The following UBAC2 variants were observed in gnomAD, a reference collection of about 807,000 sequenced individuals.
The protein encoded by UBAC2 is ubiquitin-associated domain-containing protein 2.
In UBAC2, 26 loss-of-function variants were observed where a neutral mutation model predicts 44.0. That is an observed-to-expected ratio of 0.59 (90% CI 0.43 to 0.82). The LOEUF (loss-of-function observed/expected upper bound fraction) is 0.82. UBAC2 is among the 40% of genes least tolerant of loss of function. UBAC2 has a pLI of 0.00. For synonymous variants in UBAC2, 155 were observed against 154.3 expected, an observed-to-expected ratio of 1.00 and a Z score of -0.04; for missense variants, 329 against 419.4, an observed-to-expected ratio of 0.78 and a Z score of 1.88.
chr13:99,344,641 A>T (rs765351220), intron 7 of UBAC2, among the ~76,000 whole-genome samples: 4 of 152,074 alleles, frequency 2.6e-5, no homozygotes, highest in African/African-American at 9.7e-5. Context: ...GCAGTTTTTC[A>T]TTTCAGGTAT....
chr13:99,331,462 G>C (rs568092755), intron 6 of UBAC2, among the ~76,000 whole-genome samples: 2 of 152,330 alleles, frequency 1.3e-5, no homozygotes, highest in East Asian at 3.8e-4. Context: ...TATTACTTCT[G>C]TCTCTATTCC....
chr13:99,267,764 C>A (rs898708275), intron 4 of UBAC2, among the ~76,000 whole-genome samples: 2 of 152,102 alleles, frequency 1.3e-5, no homozygotes, highest in African/African-American at 4.8e-5. Context: ...ATAAAAAATA[C>A]CAAAATATAG....
At chr13:99,239,216 A>G (rs1157313403) in intron 2 of UBAC2, among the ~76,000 whole-genome samples, 1 of 152,244 alleles carries the variant, frequency 6.6e-6, no homozygotes, top group Non-Finnish European at 1.5e-5. Flanking sequence ...TAGTGATATA[A>G]TTAATACCAT....
rs1437912677 is a variant in UBAC2, at chr13:99,368,004, TACAAAGATGGTGACAGC to T, written c.927+100_927+116del. On this transcript the variant is annotated intron_variant, in intron 8 of 8. Coordinates refer to ENST00000403766, the MANE Select transcript of UBAC2 (RefSeq NM_001144072.2). ...ACTCAAAAGTAATCAAGCGTGTAAA[TACAAAGATGGTGACAGC>T]AGTCCATCTGCCACCATGATAGAGA... 2.8e-6 allele frequency: 4 copies of T among 1,445,166 alleles called. No homozygotes were observed. In the African/African-American group the frequency reaches 4.3e-5, roughly 15 times the overall value. 89.5% of individuals were successfully genotyped at this position (1,445,166 alleles called of 1,614,324 possible).
rs572171609 is a variant in UBAC2 at position 99,279,603 on chromosome 13, A to G, written c.390-34494A>G. 2.0e-4 allele frequency among the ~76,000 whole-genome samples: 30 copies of G among 152,334 alleles called. No individual in the cohort carries two copies. In the East Asian group the frequency reaches 5.4e-3, roughly 27 times the overall value. ...TAGTTTGTCTCACTAATGATGCCTC[A>G]CTGCCTTAGCCTGTTCAGGCTCCTC... is the stretch of plus-strand genomic sequence containing the variant. On this transcript the variant is annotated intron_variant, in intron 4 of 8. Transcript: ENST00000403766.
chr13:99,352,815 G>A (rs538881181), intron 7 of UBAC2, among the ~76,000 whole-genome samples: 30 of 152,316 alleles, frequency 2.0e-4, no homozygotes, highest in Non-Finnish European at 4.3e-4. Flanking sequence ...GAAATGTGTA[G>A]TGCAGTCAGG....
rs2138942590 is a variant in UBAC2, at chr13:99,385,828, G to A, written c.*493G>A. ...ATCTCCTGGGAGTGAGGGAGAAACA[G>A]GGAGCTGAATCCTCCCCCAAGCTGT... On this transcript the variant is annotated 3_prime_UTR_variant, in exon 9 of 9. Coordinates refer to ENST00000403766, the MANE Select transcript of UBAC2 (RefSeq NM_001144072.2). The A allele has an allele frequency of 6.2e-6, 1 of 161,200 alleles. No homozygotes were observed. Among genetic ancestry groups the A allele is most frequent in the Middle Eastern group, 3.3e-3 (1 of 300 alleles). The allele number at this position is 161,200 out of a possible 1,614,324, so 10.0% of individuals were successfully genotyped here.
intron 4 of UBAC2, among the ~76,000 whole-genome samples, chr13:99,283,392 C>T (rs991011573): frequency 5.3e-5 from 8 of 152,120 alleles, no homozygotes; most frequent in African/African-American, 1.2e-4. Context: ...GTTAACATTA[C>T]GCATTCCATT....
At chr13:99,312,170 A>T (rs1053227727) in intron 4 of UBAC2, among the ~76,000 whole-genome samples, 28 of 152,210 alleles carry the variant, frequency 1.8e-4, no homozygotes, top group Admixed American at 1.6e-3. Flanking sequence ...AGGACAGTGC[A>T]TTTTTTAAAA....
intron 6 of UBAC2, among the ~76,000 whole-genome samples, chr13:99,328,709 A>T (rs1429302445): frequency 6.6e-6 from 1 of 152,150 alleles, no homozygotes; most frequent in Non-Finnish European, 1.5e-5. Flanking sequence ...TAACTGACTT[A>T]AAATAATTCT....
rs1271534240 is a variant in UBAC2 at position 99,238,545 on chromosome 13, C to T, written c.150C>T (p.Asn50=). ...LFVYDLHAVK[N]DFQIWRLICG... is the part of the protein sequence containing the mutation. Reference sequence around the variant, plus strand: ...TGTATGACCTTCACGCAGTCAAGAACGACTTCCAGGTAAGCTCTGCCTCAT... The same window carrying T: ...TGTATGACCTTCACGCAGTCAAGAATGACTTCCAGGTAAGCTCTGCCTCAT... The change falls in exon 2 of 9, where the codon AAC becomes AAT. Residue 50 remains asparagine (N), a synonymous_variant. Coordinates refer to ENST00000403766, the MANE Select transcript of UBAC2 (RefSeq NM_001144072.2). 3 of 1,608,354 alleles carry T rather than the reference C, an allele frequency of 1.9e-6. No individual in the cohort carries two copies. The highest frequency in any genetic ancestry group is 1.1e-5 in the South Asian group (1 of 90,366).
At chr13:99,376,585 C>A (rs921410861) in intron 8 of UBAC2, among the ~76,000 whole-genome samples, 2 of 152,136 alleles carry the variant, frequency 1.3e-5, no homozygotes, top group African/African-American at 4.8e-5. Context: ...TTTCCTGTTA[C>A]GGAAAGCAGG....
intron 8 of UBAC2, among the ~76,000 whole-genome samples, chr13:99,383,152 ATG>A (rs137873801): frequency 3.3e-5 from 5 of 151,894 alleles, no homozygotes; most frequent in East Asian, 1.9e-4. Flanking sequence ...AGTAGTGTGC[ATG>A]TGTGTGTGTG....
At chr13:99,225,293 C>T (rs1021176670) in intron 1 of UBAC2, among the ~76,000 whole-genome samples, 1 of 152,322 alleles carries the variant, frequency 6.6e-6, no homozygotes. Flanking sequence ...TAAACAACTT[C>T]CCATTTCCCC....
At chr13:99,244,440 G>A in intron 3 of UBAC2, 75 bp from the exon 4 acceptor site, 2 of 1,009,058 alleles carry the variant, frequency 2.0e-6, no homozygotes, top group Non-Finnish European at 3.1e-6. Flanking sequence ...CCTCTGAGCT[G>A]ATTCTAGCTG....
chr13:99,227,112 C>A (rs371678311), intron 1 of UBAC2, among the ~76,000 whole-genome samples: 1 of 151,862 alleles, frequency 6.6e-6, no homozygotes, highest in Non-Finnish European at 1.5e-5. Flanking sequence ...ACAGGAGAAT[C>A]GCTTGAACCC....
intron 7 of UBAC2, among the ~76,000 whole-genome samples, chr13:99,360,224 C>G (rs932242127): frequency 6.6e-6 from 1 of 152,144 alleles, no homozygotes; most frequent in Non-Finnish European, 1.5e-5. Context: ...CTCCAGGATC[C>G]TGTAGTCTAG....
intron 4 of UBAC2, among the ~76,000 whole-genome samples, chr13:99,258,748 G>C (rs542143164): frequency 2.6e-5 from 4 of 152,230 alleles, no homozygotes; most frequent in Admixed American, 2.6e-4. Context: ...ACTATATCCA[G>C]TAGGATTGTA....
In UBAC2 at chr13:99,314,153, A is replaced by G. The variant is rs1218269090; in HGVS notation, c.446A>G (p.Gln149Arg). 3 of 1,613,874 alleles carry G rather than the reference A, an allele frequency of 1.9e-6. No individual in the cohort carries two copies. The highest frequency in any genetic ancestry group is 2.5e-6 in the Non-Finnish European group (3 of 1,179,966). The stretch of plus-strand genomic sequence containing the variant: ...TTTTACTGCTCCATACCAAGAGTCC[A>G]AGTGGCACAAATTCTGGGTCCGTTG... ...VPFYCSIPRV[Q>R]VAQILGPLSI... The change falls in exon 5 of 9, where the codon CAA becomes CGA. Residue 149 changes from glutamine (Q) to arginine (R), a missense_variant. Gln to Arg is a conservative substitution (Grantham distance 43, BLOSUM62 1). Transcript: ENST00000403766.
Sources: allele counts gnomAD v4.1 joint callset (sites outside exome capture counted in the v4.1 genomes callset), GRCh38; gene constraint gnomAD v4.1.1; transcripts MANE v1.5; gene names NCBI Gene and HGNC (gene_info 2026-07-23, HGNC 2026-07-21).